The following MBD5 variants were observed in gnomAD, a reference collection of about 807,000 sequenced individuals.
The protein encoded by MBD5 is methyl-CpG-binding domain protein 5.
In MBD5, 13 loss-of-function variants were observed where a neutral mutation model predicts 117.3. The ratio of observed to expected loss-of-function variants is 0.11; its 90% CI spans 0.07 to 0.18. The LOEUF (loss-of-function observed/expected upper bound fraction) is 0.18, where lower values mean the gene tolerates loss of function less well. MBD5 is among the 10% of genes least tolerant of loss of function. MBD5 has a pLI of 1.00. For missense variants in MBD5, 1,879 were observed against 2,093.8 expected, an observed-to-expected ratio of 0.90 and a Z score of 2.00; for synonymous variants, 727 against 766.4, an observed-to-expected ratio of 0.95 and a Z score of 0.85.
At chr2:148,246,781 A>AAAG (rs1333642481) in intron 3 of MBD5, among the ~76,000 whole-genome samples, 3 of 151,388 alleles carry the variant, frequency 2.0e-5, no homozygotes, top group African/African-American at 4.8e-5. Flanking sequence ...AAAAAAAAAA[A>AAAG]AAAAAATTGT....
Position 148,305,072 on chromosome 2 carries a change from A to T in MBD5, c.-679-37142A>T, listed in dbSNP as rs570324511. 1.4e-4 allele frequency among the ~76,000 whole-genome samples: 21 copies of T among 151,692 alleles called. No homozygotes were observed. In the East Asian group the frequency reaches 2.3e-3, roughly 17 times the overall value. ...AGAGCGAGACTCCGTCTCAAAAAAA[A>T]AAAAATAAAATAAAATAAAAGGCAG... On this transcript the variant is annotated intron_variant, in intron 3 of 13. Transcript: ENST00000642680.
intron 2 of MBD5, among the ~76,000 whole-genome samples, chr2:148,230,826 G>C (rs1355943661): frequency 6.6e-6 from 1 of 152,112 alleles, no homozygotes; most frequent in African/African-American, 2.4e-5. Context: ...TGCCCAGGGT[G>C]TGTCTAGAAA....
chr2:148,087,907 A>G (rs1486715638), intron 1 of MBD5, among the ~76,000 whole-genome samples: 1 of 152,214 alleles, frequency 6.6e-6, no homozygotes, highest in Non-Finnish European at 1.5e-5. Context: ...AAGGTTGACT[A>G]TTAAGCTATT....
rs150977981 is a variant in MBD5 at position 148,261,939 on chromosome 2, G to A, written c.-680+28544G>A. Reference sequence around the variant, plus strand: ...GAGGGAGAGAGATGGGGGAACAGCCGGATTCTGTGGTAGTCAGAACACACA... The same window carrying A: ...GAGGGAGAGAGATGGGGGAACAGCCAGATTCTGTGGTAGTCAGAACACACA... On this transcript the variant is annotated intron_variant, in intron 3 of 13. Transcript: ENST00000642680. 1.2e-4 allele frequency among the ~76,000 whole-genome samples: 19 copies of A among 152,232 alleles called. No individual in the cohort carries two copies. In the East Asian group the frequency reaches 1.5e-3, roughly 12 times the overall value.
rs934387319 is a variant in MBD5 at position 148,302,456 on chromosome 2, G to A, written c.-679-39758G>A. Reference sequence around the variant, plus strand: ...CAGGCTAGAGCAATATTTTCTCCATGCTTCTTGCTGTTATTAATAGCTCTT... The same window carrying A: ...CAGGCTAGAGCAATATTTTCTCCATACTTCTTGCTGTTATTAATAGCTCTT... On this transcript the variant is annotated intron_variant, in intron 3 of 13. Transcript: ENST00000642680. Among the ~76,000 whole-genome samples the A allele has an allele frequency of 2.0e-5, 3 of 152,096 alleles. No individual in the cohort carries two copies. In the East Asian group the frequency reaches 5.8e-4, roughly 29 times the overall value.
intron 4 of MBD5, among the ~76,000 whole-genome samples, chr2:148,378,355 G>A (rs1203027576): frequency 2.6e-5 from 4 of 152,022 alleles, no homozygotes; most frequent in Non-Finnish European, 5.9e-5. Flanking sequence ...TTGCTAACCT[G>A]CTTTAAGAGT....
intron 1 of MBD5, among the ~76,000 whole-genome samples, chr2:148,040,345 C>G (rs1316673557): frequency 6.6e-6 from 1 of 151,852 alleles, no homozygotes; most frequent in African/African-American, 2.4e-5. Context: ...ATAAAAAAAT[C>G]CCTGCAAAAG....
chr2:148,114,767 T>C (rs1219856678), intron 1 of MBD5, among the ~76,000 whole-genome samples: 1 of 152,184 alleles, frequency 6.6e-6, no homozygotes, highest in East Asian at 1.9e-4. Context: ...CACAGGATAT[T>C]TTACCAATAT....
intron 2 of MBD5, among the ~76,000 whole-genome samples, chr2:148,227,042 A>C (rs1699843191): frequency 6.6e-6 from 1 of 151,794 alleles, no homozygotes; most frequent in Admixed American, 6.6e-5. Flanking sequence ...GGTTGCAAAA[A>C]TTTTCTCCCA....
At chr2:148,229,114 A>G (rs1335591881) in intron 2 of MBD5, among the ~76,000 whole-genome samples, 1 of 148,582 alleles carries the variant, frequency 6.7e-6, no homozygotes, top group African/African-American at 2.5e-5. Flanking sequence ...TTTCCTTCTG[A>G]TCTTAGTTAT....
At chr2:148,280,798 G>A (rs1701229541) in intron 3 of MBD5, among the ~76,000 whole-genome samples, 1 of 152,124 alleles carries the variant, frequency 6.6e-6, no homozygotes, top group South Asian at 2.1e-4. Context: ...ACTAGTTTTT[G>A]TAGTTCTGAA....
At chr2:148,354,304 C>A (rs748517618) in intron 4 of MBD5, among the ~76,000 whole-genome samples, 1 of 151,932 alleles carries the variant, frequency 6.6e-6, no homozygotes, top group Non-Finnish European at 1.5e-5. Flanking sequence ...TGTGATGTTC[C>A]CCTCCCTGTG....
In MBD5 at chr2:148,508,752, T is replaced by G. The variant is rs1311646167; in HGVS notation, c.5037-1308T>G. On this transcript the variant is annotated intron_variant, in intron 12 of 13. Coordinates refer to ENST00000642680, the MANE Select transcript of MBD5 (RefSeq NM_001378120.1). ...CCAATACACTAATTTTTCCCTTCAGTTAAACTGACCTAAGTACGTATATAT... is the reference window on the plus strand; with the variant it reads ...CCAATACACTAATTTTTCCCTTCAGGTAAACTGACCTAAGTACGTATATAT... 2.6e-5 allele frequency among the ~76,000 whole-genome samples: 4 copies of G among 152,338 alleles called. No individual in the cohort carries two copies. The Middle Eastern group carries it at 0.014, about 518-fold the overall frequency.
intron 4 of MBD5, among the ~76,000 whole-genome samples, chr2:148,373,645 A>C (rs1703914468): frequency 9.0e-6 from 1 of 111,218 alleles, no homozygotes; most frequent in Non-Finnish European, 2.0e-5. Flanking sequence ...AAATTTAAAA[A>C]TAACAACCTC....
chr2:148,505,911 T>C (rs1682017076), intron 12 of MBD5, among the ~76,000 whole-genome samples: 1 of 152,232 alleles, frequency 6.6e-6, no homozygotes, highest in African/African-American at 2.4e-5. Context: ...CCTAAATTCT[T>C]CATTTCTAAA....
intron 8 of MBD5, chr2:148,471,745 T>C (rs1559088982): frequency 6.6e-6 from 1 of 152,134 alleles, no homozygotes; most frequent in Non-Finnish European, 1.5e-5. Flanking sequence ...ATATTTGAAA[T>C]TATTAGTGCC....
intron 4 of MBD5, among the ~76,000 whole-genome samples, chr2:148,399,492 C>T (rs1405954928): frequency 6.6e-6 from 1 of 152,130 alleles, no homozygotes; most frequent in African/African-American, 2.4e-5. Context: ...GTGATTTTAG[C>T]ACATGGATTT....
intron 4 of MBD5, among the ~76,000 whole-genome samples, chr2:148,439,078 A>G (rs1706239224): frequency 6.6e-6 from 1 of 152,236 alleles, no homozygotes; most frequent in South Asian, 2.1e-4. Context: ...AATAAAGACA[A>G]GAACAAAGTA....
At chr2:148,158,361 G>A (rs965458685) in intron 1 of MBD5, among the ~76,000 whole-genome samples, 3 of 152,114 alleles carry the variant, frequency 2.0e-5, no homozygotes, top group Admixed American at 1.3e-4. Context: ...TTACTTGAAC[G>A]CCTTTAAGCA....
Sources: allele counts gnomAD v4.1 joint callset (sites outside exome capture counted in the v4.1 genomes callset), GRCh38; gene constraint gnomAD v4.1.1; transcripts MANE v1.5; gene names NCBI Gene and HGNC (gene_info 2026-07-23, HGNC 2026-07-21).